The following FRMD4B variants were observed in gnomAD, a reference collection of about 807,000 sequenced individuals.
FRMD4B encodes FERM domain-containing protein 4B.
In FRMD4B, 74 loss-of-function variants were observed where a neutral mutation model predicts 141.5. The ratio of observed to expected loss-of-function variants is 0.52; its 90% CI spans 0.43 to 0.63. The LOEUF (loss-of-function observed/expected upper bound fraction) is 0.63, where lower values mean the gene tolerates loss of function less well. Ranked by LOEUF, FRMD4B falls within the 30% of genes least tolerant of loss-of-function variation. FRMD4B has a pLI of 0.00. For synonymous variants in FRMD4B, 506 were observed against 467.9 expected (o/e 1.08, Z -1.05); for missense variants, 1,366 against 1,253.4 (o/e 1.09, Z -1.36).
intron 11 of FRMD4B, among the ~76,000 whole-genome samples, chr3:69,201,744 G>A (rs2092969967): frequency 6.6e-6 from 1 of 152,170 alleles, no homozygotes; most frequent in Admixed American, 6.5e-5. Context: ...CGGCAATGGA[G>A]CTGAGGTGAA....
At chr3:69,321,720 T>A (rs1575729126) in intron 1 of FRMD4B, among the ~76,000 whole-genome samples, 1 of 6,834 alleles carries the variant, frequency 1.5e-4, no homozygotes, top group African/African-American at 7.5e-4. Flanking sequence ...TCACAAATGA[T>A]TTTTTTTTTT....
At chr3:69,298,977 C>G (rs1272948396) in intron 4 of FRMD4B, among the ~76,000 whole-genome samples, 1 of 151,778 alleles carries the variant, frequency 6.6e-6, no homozygotes, top group Non-Finnish European at 1.5e-5. Context: ...AGTATAGGGC[C>G]AGACACATAG....
At chr3:69,452,197 G>A (rs929166137) in intron 1 of FRMD4B, among the ~76,000 whole-genome samples, 2 of 152,252 alleles carry the variant, frequency 1.3e-5, no homozygotes, top group African/African-American at 4.8e-5. Context: ...GTGATCGGAA[G>A]AGAAATAGTT....
At chr3:69,463,252 T>C (rs1423722693) in intron 1 of FRMD4B, among the ~76,000 whole-genome samples, 1 of 152,232 alleles carries the variant, frequency 6.6e-6, no homozygotes, top group Admixed American at 6.5e-5. Context: ...GCTTTACCTG[T>C]CCTAGAATAT....
chr3:69,265,300 A>G (rs2093555439), intron 5 of FRMD4B, among the ~76,000 whole-genome samples: 1 of 121,140 alleles, frequency 8.3e-6, no homozygotes, highest in East Asian at 2.3e-4. Flanking sequence ...ATATATATAT[A>G]TATATATATA....
chr3:69,517,792 AT>A (rs1405654485), intron 1 of FRMD4B, among the ~76,000 whole-genome samples: 1 of 152,102 alleles, frequency 6.6e-6, no homozygotes, highest in African/African-American at 2.4e-5. Flanking sequence ...GGAACCTCAA[AT>A]GTCTCTGTTA....
chr3:69,327,060 G>C (rs1369878758), intron 1 of FRMD4B, among the ~76,000 whole-genome samples: 3 of 152,134 alleles, frequency 2.0e-5, no homozygotes, highest in Non-Finnish European at 4.4e-5. Context: ...CCTGTGGGTT[G>C]GGGGTGGGGG....
chr3:69,517,871 A>C (rs980668579), intron 1 of FRMD4B, among the ~76,000 whole-genome samples: 1 of 152,176 alleles, frequency 6.6e-6, no homozygotes, highest in African/African-American at 2.4e-5. Flanking sequence ...AGTCGTTTTC[A>C]TACTTAAGTG....
intron 7 of FRMD4B, among the ~76,000 whole-genome samples, chr3:69,243,874 C>T (rs1302315586): frequency 2.6e-5 from 4 of 151,972 alleles, no homozygotes; most frequent in South Asian, 2.1e-4. Context: ...GGTGAAACCC[C>T]GTCTCTACTA....
chr3:69,395,159 T>C lies in FRMD4B; in HGVS notation c.-1+37475A>G, dbSNP rs191833824. Among the ~76,000 whole-genome samples the C allele has an allele frequency of 3.6e-3, 548 of 152,078 alleles. 4 individuals carry two copies. Among genetic ancestry groups the C allele is most frequent in the Non-Finnish European group, 5.7e-3 (389 of 67,990 alleles). On this transcript the variant is annotated intron_variant, in intron 2 of 5. Transcript: ENST00000459638. ...TTAACAAACCTGCACGTTCTGCACATGTATCCCAGAACTTAAAGTAAAATT... is the reference window on the plus strand; with the variant it reads ...TTAACAAACCTGCACGTTCTGCACACGTATCCCAGAACTTAAAGTAAAATT...
At chr3:69,352,480 C>T (rs952958318) in intron 1 of FRMD4B, among the ~76,000 whole-genome samples, 1 of 152,194 alleles carries the variant, frequency 6.6e-6, no homozygotes, top group African/African-American at 2.4e-5. Context: ...CCCACTTCCT[C>T]TACAGACTTC....
intron 7 of FRMD4B, among the ~76,000 whole-genome samples, chr3:69,248,799 G>A (rs1011642780): frequency 1.2e-4 from 18 of 152,260 alleles, no homozygotes; most frequent in African/African-American, 4.1e-4. Flanking sequence ...AGGCCCCTTC[G>A]GGGCAGCTGT....
chr3:69,247,762 C>G lies in FRMD4B; in HGVS notation c.581+1464G>C, dbSNP rs1389429435. Among the ~76,000 whole-genome samples the G allele has an allele frequency of 2.6e-5, 4 of 152,240 alleles. 1 individual carries two copies. In the South Asian group the frequency reaches 8.3e-4, roughly 31 times the overall value. On this transcript the variant is annotated intron_variant, in intron 7 of 22. Transcript: ENST00000398540. ...CTCCCGGGTTCACGCCATTCTCCTG[C>G]CACAGCTTCCCAAGTAGCTGGGACT... is the stretch of plus-strand genomic sequence containing the variant.
chr3:69,464,068 C>A lies in FRMD4B; in HGVS notation c.-128-31307G>T, dbSNP rs17005944. On this transcript the variant is annotated intron_variant, in intron 1 of 5. Transcript: ENST00000459638. ...AGTACACCCTTTACTTAACTCGTACCCATTCAAACATATTTATGGGGCAAC... is the reference window on the plus strand; with the variant it reads ...AGTACACCCTTTACTTAACTCGTACACATTCAAACATATTTATGGGGCAAC... Among the ~76,000 whole-genome samples, 1,200 of 152,296 alleles carry A rather than the reference C, an allele frequency of 7.9e-3. 17 individuals carry two copies. The highest frequency in any genetic ancestry group is 0.027 in the African/African-American group (1,123 of 41,560).
chr3:69,369,360 A>C lies in FRMD4B; in HGVS notation c.162+16468T>G, dbSNP rs182239641. Among the ~76,000 whole-genome samples, 11 of 152,308 alleles carry C rather than the reference A, an allele frequency of 7.2e-5. No individual in the cohort carries two copies. In the East Asian group the frequency reaches 2.1e-3, roughly 29 times the overall value. On this transcript the variant is annotated intron_variant, in intron 1 of 22. Transcript: ENST00000398540. Reference sequence around the variant, plus strand: ...GAAAAAACAAAGAAAAGGCCAGGAGAAAAGAAAAAAGGGTAGAAAGAACAT... The same window carrying C: ...GAAAAAACAAAGAAAAGGCCAGGAGCAAAGAAAAAAGGGTAGAAAGAACAT...
intron 4 of FRMD4B, among the ~76,000 whole-genome samples, chr3:69,301,656 T>C (rs1417024141): frequency 6.6e-6 from 1 of 152,202 alleles, no homozygotes; most frequent in Non-Finnish European, 1.5e-5. Context: ...ACATTTTATT[T>C]ATCTTAGAAT....
intron 5 of FRMD4B, among the ~76,000 whole-genome samples, chr3:69,277,476 T>A (rs1043897398): frequency 6.6e-6 from 1 of 151,540 alleles, no homozygotes; most frequent in African/African-American, 2.4e-5. Context: ...TTTAATGATA[T>A]GGTATATGTC....
At chr3:69,356,058 C>A (rs1184334103) in intron 1 of FRMD4B, among the ~76,000 whole-genome samples, 5 of 152,038 alleles carry the variant, frequency 3.3e-5, no homozygotes, top group African/African-American at 1.2e-4. Flanking sequence ...GAAACAGGAT[C>A]CCCGCTTTTC....
At chr3:69,326,249 G>A (rs1702188719) in intron 1 of FRMD4B, among the ~76,000 whole-genome samples, 5 of 151,414 alleles carry the variant, frequency 3.3e-5, no homozygotes, top group Admixed American at 2.0e-4. Flanking sequence ...AAGCCACCAT[G>A]CCCAGCCTCT....
Sources: allele counts gnomAD v4.1 joint callset (sites outside exome capture counted in the v4.1 genomes callset), GRCh38; gene constraint gnomAD v4.1.1; transcripts MANE v1.5; gene names NCBI Gene and HGNC (gene_info 2026-07-23, HGNC 2026-07-21).